Variants in NECAB2 observed in about 807,000 individuals in gnomAD.
NECAB2 encodes N-terminal EF-hand calcium-binding protein 2.
Under a neutral mutation model 51.9 loss-of-function variants are expected in NECAB2, and 68 were observed. The observed-to-expected ratio is 1.31, with a 90% confidence interval of 1.08 to 1.60. The LOEUF (loss-of-function observed/expected upper bound fraction) is 1.60. NECAB2 is among the 40% of genes most tolerant of loss of function. NECAB2 has a pLI of 0.00. For missense variants in NECAB2, 854 were observed against 490.3 expected, an observed-to-expected ratio of 1.74 and a Z score of -7.00; for synonymous variants, 329 against 203.5, an observed-to-expected ratio of 1.62 and a Z score of -5.25.
Position 83,990,684 on chromosome 16 carries a change from G to T in NECAB2, c.596+54G>T. 1.9e-6 allele frequency: 3 copies of T among 1,593,080 alleles called. No homozygotes were observed. In the African/African-American group the frequency reaches 4.0e-5, roughly 21 times the overall value. On this transcript the variant is annotated intron_variant, in intron 6 of 12. Transcript: ENST00000305202. ...ATGGGGGTATGCCGTGCACGCGCAC[G>T]TGCCCACCTGCTGCTTGGTGGGGAT...
intron 5 of NECAB2, among the ~76,000 whole-genome samples, chr16:83,987,152 G>C (rs563338774): frequency 6.6e-5 from 10 of 152,072 alleles, no homozygotes; most frequent in Non-Finnish European, 1.2e-4. Flanking sequence ...CCTGAATAAG[G>C]AAAGACTTAG....
At chr16:84,002,095 G>A (rs540391082) in intron 12 of NECAB2, among the ~76,000 whole-genome samples, 179 bp downstream of exon 12, 2 of 152,282 alleles carry the variant, frequency 1.3e-5, no homozygotes, top group South Asian at 4.1e-4. Flanking sequence ...AGGTATGCCT[G>A]CCAGAGCTTG....
intron 6 of NECAB2, among the ~76,000 whole-genome samples, chr16:83,991,495 T>C (rs1303571103): frequency 6.6e-6 from 1 of 151,018 alleles, no homozygotes; most frequent in African/African-American, 2.4e-5. Context: ...GCCTCCCTAG[T>C]AGCTGGGATT....
chr16:83,985,240 G>C (rs888883250), intron 5 of NECAB2, among the ~76,000 whole-genome samples: 7 of 146,500 alleles, frequency 4.8e-5, no homozygotes, highest in African/African-American at 1.8e-4. Flanking sequence ...TTGAACCCGG[G>C]AGGTGGAGGT....
rs1053878561 is a variant in NECAB2, at chr16:83,998,410, G to A, written c.962+93G>A. The A allele has an allele frequency of 1.7e-5, 21 of 1,217,762 alleles. 1 individual carries two copies. The highest frequency in any genetic ancestry group is 1.2e-4 in the South Asian group (9 of 73,016). 75.4% of individuals were successfully genotyped at this position (1,217,762 alleles called of 1,614,324 possible). ...GCAGGACTAGGCTTTGCCCTAAGTA[G>A]TACAAGTTGCACCCCAGGGACACAC... On this transcript the variant is annotated intron_variant, in intron 10 of 12. Coordinates refer to ENST00000305202, the MANE Select transcript of NECAB2 (RefSeq NM_019065.3).
chr16:83,981,094 C>T lies in NECAB2; in HGVS notation c.426C>T (p.His142=). The change falls in exon 5 of 13, where the codon CAC becomes CAT. Residue 142 remains histidine, a synonymous_variant. Transcript: ENST00000305202. ...DVLASLETLN[H]SVLKAMGYTK... ...TGGCCTCCCTGGAGACCTTGAATCA[C>T]TCTGTCCTGAAGGCCATGGGTTATA... The T allele has an allele frequency of 6.2e-7, 1 of 1,614,198 alleles. No individual in the cohort carries two copies. The highest frequency in any genetic ancestry group is 8.5e-7 in the Non-Finnish European group (1 of 1,180,036).
At position 83,997,479 on chromosome 16, in the gene NECAB2, C is replaced by CTTTT. The variant is rs11296947; in HGVS notation, c.849+233_849+236dup. 2.0e-3 allele frequency among the ~76,000 whole-genome samples: 106 copies of CTTTT among 53,282 alleles called. 11 individuals carry two copies. The highest frequency in any genetic ancestry group is 2.3e-3 in the African/African-American group (30 of 12,794). The allele number at this position is 53,282 out of a possible 152,430, so 35.0% of individuals were successfully genotyped here. ...GGGTATTTCTTGAGGCTCCCTGGAC[C>CTTTT]TTTTTTTTTTTTTTTTTTTTTTTTT... On this transcript the variant is annotated intron_variant, in intron 9 of 12. Transcript: ENST00000305202.
chr16:83,991,090 C>G (rs544989122), intron 6 of NECAB2, among the ~76,000 whole-genome samples: 5 of 152,052 alleles, frequency 3.3e-5, no homozygotes, highest in South Asian at 2.1e-4. Context: ...TCAAGCAATT[C>G]TCATGCCTCA....
In NECAB2 at chr16:84,000,746, G is replaced by C. The variant is rs200006978; in HGVS notation, c.985G>C (p.Asp329His). The C allele has an allele frequency of 1.2e-6, 2 of 1,613,800 alleles. No homozygotes were observed. The highest frequency in any genetic ancestry group is 1.3e-5 in the African/African-American group (1 of 74,924). ...CAGCATCACTGCCGTGAGGCTCTCA[G>C]ATGGCTTCACCTTTGTCATCTATGA... ...CFHITAVRLS[D>H]GFTFVIYEFW... Residue 329 changes from aspartate (D) to histidine (H), a missense_variant, in exon 11 of 13, where the codon GAT (aspartate) becomes CAT (histidine). By Grantham distance (81) the Asp-to-His change is moderately conservative. Transcript: ENST00000305202.
intron 3 of NECAB2, 129 bp from the exon 4 acceptor site, chr16:83,980,710 C>A (rs752182953): frequency 1.4e-5 from 18 of 1,274,014 alleles, no homozygotes; most frequent in Non-Finnish European, 1.9e-5. Flanking sequence ...TTCTGTAAGG[C>A]GGAGCTTGTG....
Position 83,981,074 on chromosome 16 carries a change from T to A in NECAB2, c.406T>A (p.Ser136Thr), listed in dbSNP as rs1429468876. 1 of 1,614,166 alleles carries A rather than the reference T, an allele frequency of 6.2e-7. No individual in the cohort carries two copies. Among genetic ancestry groups the A allele is most frequent in the Admixed American group, 1.7e-5 (1 of 60,020 alleles). Residue 136 changes from serine (S) to threonine (T), a missense_variant, in exon 5 of 13, where the codon TCC (serine) becomes ACC (threonine). Ser to Thr is a moderately conservative substitution (Grantham distance 58). Coordinates refer to ENST00000305202, the MANE Select transcript of NECAB2 (RefSeq NM_019065.3). ...GGGTGACTATGAGGATGTCCTGGCCTCCCTGGAGACCTTGAATCACTCTGT... is the reference window on the plus strand; with the variant it reads ...GGGTGACTATGAGGATGTCCTGGCCACCCTGGAGACCTTGAATCACTCTGT... ...HMGDYEDVLASLETLNHSVLK... is the reference protein window; with the variant it reads ...HMGDYEDVLATLETLNHSVLK...
chr16:83,967,723 G>A (rs1221782735), upstream of NECAB2, among the ~76,000 whole-genome samples: 1 of 145,922 alleles, frequency 6.9e-6, no homozygotes, highest in East Asian at 2.1e-4. Flanking sequence ...TGGATGGATG[G>A]ATGGATGGAT....
intron 2 of NECAB2, among the ~76,000 whole-genome samples, chr16:83,975,413 A>G (rs1018231052): frequency 1.1e-4 from 17 of 152,062 alleles, no homozygotes; most frequent in Non-Finnish European, 2.2e-4. Context: ...ACAAGCACAC[A>G]CAGGACTGCT....
At chr16:84,000,943 T>G (rs2084818932) in intron 11 of NECAB2, 142 bp downstream of exon 11, 1 of 774,388 alleles carries the variant, frequency 1.3e-6, no homozygotes. Context: ...GCTGGCATGC[T>G]TGCGTCAGTA....
upstream of NECAB2, chr16:83,965,348 G>A (rs771942326): frequency 1.1e-5 from 18 of 1,571,690 alleles, no homozygotes; most frequent in African/African-American, 5.4e-5. Flanking sequence ...GGGCATCCCC[G>A]GGGAGGCCCT....
At chr16:83,965,405 G>T, upstream of NECAB2, 1 of 1,577,270 alleles carries the variant, frequency 6.3e-7, no homozygotes, top group Non-Finnish European at 8.6e-7. Context: ...CGCCACAAGG[G>T]TGGGTGCGGT....
chr16:84,001,805 C>G lies in NECAB2; in HGVS notation c.1041-20C>G, dbSNP rs1315621164. ...CTCCACTCCTGCCACCCCTGACTCA[C>G]ACATGTCCCTGCGTCACAGGCACCT... is the stretch of plus-strand genomic sequence containing the variant. On this transcript the variant is annotated intron_variant, in intron 11 of 12. Transcript: ENST00000305202. The G allele has an allele frequency of 6.2e-7, 1 of 1,613,522 alleles. No homozygotes were observed.
intron 5 of NECAB2, among the ~76,000 whole-genome samples, chr16:83,982,620 C>T (rs1236879773): frequency 1.3e-5 from 2 of 152,186 alleles, no homozygotes; most frequent in Non-Finnish European, 2.9e-5. Context: ...CACGTCCTAG[C>T]CATGCTGTGA....
At chr16:83,970,505 T>C (rs2084336067) in intron 1 of NECAB2, among the ~76,000 whole-genome samples, 1 of 152,124 alleles carries the variant, frequency 6.6e-6, no homozygotes, top group South Asian at 2.1e-4. Context: ...TGCTTCAGTC[T>C]CACCGCCCAG....
Sources: allele counts gnomAD v4.1 joint callset (sites outside exome capture counted in the v4.1 genomes callset), GRCh38; gene constraint gnomAD v4.1.1; transcripts MANE v1.5; gene names NCBI Gene and HGNC (gene_info 2026-07-23, HGNC 2026-07-21).